The following TCF20 variants were observed in gnomAD, a reference collection of about 807,000 sequenced individuals.
The protein encoded by TCF20 is SPRE-binding protein.
A neutral mutation model predicts 148.6 loss-of-function variants in TCF20; 3 were observed. The observed-to-expected ratio is 0.02, with a 90% CI of 0.01 to 0.05. The LOEUF is 0.05. Ranked by LOEUF, TCF20 falls within the 10% of genes least tolerant of loss-of-function variation. The pLI is 1.00. For missense variants in TCF20, 2,350 were observed against 2,429.3 expected, an observed-to-expected ratio of 0.97 and a Z score of 0.69; for synonymous variants, 1,049 against 909.5, an observed-to-expected ratio of 1.15 and a Z score of -2.76.
chr22:42,314,909 G>A (rs1200004734), intron 1 of TCF20, among the ~76,000 whole-genome samples: 4 of 152,240 alleles, frequency 2.6e-5, no homozygotes, highest in Non-Finnish European at 5.9e-5. Context: ...AATGAGGGGA[G>A]GTGGCAGAGC....
chr22:42,214,561 A>G lies in TCF20; in HGVS notation c.745T>C (p.Ser249Pro), dbSNP rs761491794. 8.1e-6 allele frequency: 13 copies of G among 1,614,002 alleles called. No homozygotes were observed. The highest frequency in any genetic ancestry group is 1.0e-5 in the Non-Finnish European group (12 of 1,180,038). The stretch of plus-strand genomic sequence containing the variant: ...CCAGACTGGCTAAAACGCTGTGGTG[A>G]AGGGAAGGAGGAGGAGGAGGAGGAG... ...ASSSSSSSFP[S>P]PQRFSQSGQS... Residue 249 changes from serine to proline, a missense_variant, in exon 2 of 6, where the codon TCA becomes CCA. Ser to Pro is a moderately conservative substitution (Grantham distance 74). Transcript: ENST00000677622.
intron 1 of TCF20, among the ~76,000 whole-genome samples, chr22:42,333,257 T>C (rs1601710269): frequency 6.6e-6 from 1 of 151,212 alleles, no homozygotes; most frequent in Admixed American, 6.6e-5. Context: ...GGGCTGTGTG[T>C]AGACAGTGGC....
Position 42,215,291 on chromosome 22 carries a change from C to T in TCF20, c.15G>A (p.Arg5=). 1 of 1,613,550 alleles carries T rather than the reference C, an allele frequency of 6.2e-7. No homozygotes were observed. Among genetic ancestry groups the T allele is most frequent in the Non-Finnish European group, 8.5e-7 (1 of 1,179,666 alleles). Residue 5 remains arginine (R), a synonymous_variant, in exon 2 of 6, where the codon CGG becomes CGA. Coordinates refer to ENST00000677622, the MANE Select transcript of TCF20 (RefSeq NM_001378418.1). MQSF[R]EQSSYHGNQQ... is the part of the protein sequence containing the mutation. ...GGTTTCCGTGGTAACTGCTTTGCTCCCGAAAGGACTGCATACTGTTCAGCA... is the reference window on the plus strand; with the variant it reads ...GGTTTCCGTGGTAACTGCTTTGCTCTCGAAAGGACTGCATACTGTTCAGCA...
At chr22:42,275,331 C>G (rs117586165), upstream of TCF20, 2,908 of 152,382 alleles carry the variant, frequency 0.019, 57 homozygotes, top group Non-Finnish European at 0.029. Context: ...CAAGCAGCAG[C>G]TGCTGTGAAT....
intron 3 of TCF20, among the ~76,000 whole-genome samples, chr22:42,173,138 A>C (rs377288770): frequency 2.1e-5 from 3 of 145,704 alleles, no homozygotes; most frequent in Non-Finnish European, 3.0e-5. Flanking sequence ...AAAAAAAAAA[A>C]CCCTCCACAC....
chr22:42,300,751 C>T (rs955610748), intron 1 of TCF20, among the ~76,000 whole-genome samples: 1 of 152,130 alleles, frequency 6.6e-6, no homozygotes, highest in Non-Finnish European at 1.5e-5. Context: ...ACTCATCACC[C>T]TGATGACTAA....
chr22:42,262,616 G>A (rs1366008398), intron 1 of TCF20, among the ~76,000 whole-genome samples: 1 of 152,002 alleles, frequency 6.6e-6, no homozygotes, highest in Non-Finnish European at 1.5e-5. Context: ...CAAAAGCCTG[G>A]GGAGATCAGA....
At chr22:42,250,256 C>T (rs372994167) in intron 1 of TCF20, among the ~76,000 whole-genome samples, 3 of 152,170 alleles carry the variant, frequency 2.0e-5, no homozygotes, top group South Asian at 4.1e-4. Flanking sequence ...CTGGCCAATA[C>T]GGTGAAATCC....
At chr22:42,303,122 G>T (rs2147035249) in intron 1 of TCF20, among the ~76,000 whole-genome samples, 1 of 152,340 alleles carries the variant, frequency 6.6e-6, no homozygotes, top group East Asian at 1.9e-4. Context: ...TAGCGACGGG[G>T]TTTCACCATG....
intron 1 of TCF20, among the ~76,000 whole-genome samples, chr22:42,216,564 A>T (rs1921827313): frequency 6.6e-6 from 1 of 152,186 alleles, no homozygotes; most frequent in African/African-American, 2.4e-5. Flanking sequence ...GCTAGACTTA[A>T]GCCAGTGAAT....
chr22:42,316,880 G>A (rs1336582256), intron 1 of TCF20, among the ~76,000 whole-genome samples: 1 of 152,152 alleles, frequency 6.6e-6, no homozygotes, highest in Non-Finnish European at 1.5e-5. Flanking sequence ...GAACTTTCTG[G>A]TCTCATCTCC....
At chr22:42,209,074 G>A (rs1369825794) in intron 2 of TCF20, among the ~76,000 whole-genome samples, 2 of 152,194 alleles carry the variant, frequency 1.3e-5, no homozygotes, top group Non-Finnish European at 2.9e-5. Flanking sequence ...CTGCAAGACA[G>A]TGAGAGAAAA....
chr22:42,285,431 C>G (rs1270676759), upstream of TCF20, among the ~76,000 whole-genome samples: 1 of 152,030 alleles, frequency 6.6e-6, no homozygotes, highest in Non-Finnish European at 1.5e-5. This position sits in a 1 kb window ranked among gnomAD's most constrained non-coding sequence, Gnocchi z 4.2. Flanking sequence ...TTGGGACCCC[C>G]TCCGAGCAGC....
In TCF20 at chr22:42,212,631, G is replaced by C. The variant is rs1921108929; in HGVS notation, c.2675C>G (p.Thr892Ser). The part of the protein sequence containing the change: ...AHSLGHMSAD[T>S]RIGRNDRLNP... ...GAGACGGTCATTCCTCCCAATTCTG[G>C]TGTCGGCACTCATGTGTCCCAGTGA... is the stretch of plus-strand genomic sequence containing the variant. The change falls in exon 2 of 6, where the codon ACC becomes AGC. Residue 892 changes from threonine to serine, a missense_variant. By Grantham distance (58) the Thr-to-Ser change is moderately conservative (BLOSUM62 1). Around this residue, in one of 7 missense-constraint regions of TCF20, gnomAD observed 1,641 missense variants for 1,662.6 expected, o/e 0.99. Transcript: ENST00000677622. 6.2e-7 allele frequency: 1 copy of C among 1,614,038 alleles called. No homozygotes were observed.
intron 1 of TCF20, among the ~76,000 whole-genome samples, chr22:42,262,611 G>C (rs570145199): frequency 6.6e-6 from 1 of 152,156 alleles, no homozygotes. Flanking sequence ...ACAAACAAAA[G>C]CCTGGGGAGA....
intron 1 of TCF20, among the ~76,000 whole-genome samples, chr22:42,254,560 G>A (rs910477795): frequency 6.6e-6 from 1 of 152,170 alleles, no homozygotes; most frequent in African/African-American, 2.4e-5. Context: ...TCTCTCACCT[G>A]TCCTCCATTC....
intron 1 of TCF20, among the ~76,000 whole-genome samples, chr22:42,300,184 G>C (rs568131541): frequency 6.6e-6 from 1 of 152,252 alleles, no homozygotes; most frequent in South Asian, 2.1e-4. Flanking sequence ...AGGGTAAGGG[G>C]AGGCAGGTTT....
chr22:42,162,925 A>G (rs1443450523), intron 5 of TCF20, among the ~76,000 whole-genome samples: 1 of 152,184 alleles, frequency 6.6e-6, no homozygotes, highest in Non-Finnish European at 1.5e-5. Context: ...AGGCCATGGC[A>G]CAACATCACC....
intron 1 of TCF20, among the ~76,000 whole-genome samples, chr22:42,327,366 C>T (rs1405810906): frequency 6.6e-6 from 1 of 152,192 alleles, no homozygotes. Flanking sequence ...GGGAAGGCAC[C>T]TCTGACCTTG....
Sources: allele counts gnomAD v4.1 joint callset (sites outside exome capture counted in the v4.1 genomes callset), GRCh38; gene constraint gnomAD v4.1.1; regional missense constraint gnomAD v4.1.1; non-coding constraint Gnocchi (gnomAD v3.1); transcripts MANE v1.5; gene names NCBI Gene and HGNC (gene_info 2026-07-23, HGNC 2026-07-21).